RANBP2: variants seen among roughly 807,000 people sequenced by gnomAD.
RANBP2 encodes the protein E3 SUMO-protein ligase RanBP2.
Under a neutral mutation model 303.6 loss-of-function variants are expected in RANBP2, and 57 were observed. The ratio of observed to expected loss-of-function variants is 0.19; its 90% confidence interval spans 0.15 to 0.23. RANBP2 has a LOEUF of 0.23. Ranked by LOEUF, RANBP2 falls within the 10% of genes least tolerant of loss-of-function variation. RANBP2 has a pLI of 1.00. For synonymous variants in RANBP2, 1,167 were observed against 1,301.5 expected, an observed-to-expected ratio of 0.90 and a Z score of 2.23; for missense variants, 3,138 against 3,780.8, an observed-to-expected ratio of 0.83 and a Z score of 4.46.
At chr2:109,653,224 G>A in the RANBP2 span, among the ~76,000 whole-genome samples, 5 of 151,952 alleles carry the variant, frequency 3.3e-5, no homozygotes, top group South Asian at 2.1e-4. Flanking sequence ...GTGAAACCCC[G>A]TCTCTACTAA....
the RANBP2 span, among the ~76,000 whole-genome samples, chr2:109,249,708 T>C: frequency 0.018 from 2,721 of 151,154 alleles, 92 homozygotes; most frequent in African/African-American, 0.063. Flanking sequence ...AGTACAGTGG[T>C]GCGATCTCAG....
chr2:109,645,973 C>T, the RANBP2 span, among the ~76,000 whole-genome samples: 1 of 152,186 alleles, frequency 6.6e-6, no homozygotes, highest in Non-Finnish European at 1.5e-5. Flanking sequence ...GAAAACTTCA[C>T]AGACACCAGG....
chr2:109,117,725 G>A, the RANBP2 span, among the ~76,000 whole-genome samples: 17 of 152,362 alleles, frequency 1.1e-4, no homozygotes, highest in Non-Finnish European at 2.1e-4. Flanking sequence ...CGTCTTCTGC[G>A]TCGCTCACGT....
chr2:109,117,963 G>A, the RANBP2 span, among the ~76,000 whole-genome samples: 1 of 152,164 alleles, frequency 6.6e-6, no homozygotes, highest in African/African-American at 2.4e-5. Flanking sequence ...CCTGCCCTCT[G>A]AGGCAAGATT....
the RANBP2 span, among the ~76,000 whole-genome samples, chr2:109,108,000 G>A: frequency 1.1e-4 from 17 of 152,330 alleles, no homozygotes; most frequent in South Asian, 3.3e-3. Context: ...CCGCCTCACG[G>A]GTTCATGCCA....
chr2:109,658,254 T>C, the RANBP2 span, among the ~76,000 whole-genome samples: 1 of 151,138 alleles, frequency 6.6e-6, no homozygotes, highest in Admixed American at 6.6e-5. Context: ...GAGACCAGCC[T>C]GGCCAAGATG....
intron 4 of RANBP2, among the ~76,000 whole-genome samples, chr2:108,734,942 A>G (rs545632425): frequency 2.0e-5 from 3 of 152,302 alleles, no homozygotes; most frequent in Admixed American, 6.5e-5. Flanking sequence ...CTGTGGTCCT[A>G]GCTTCTTGAG....
the RANBP2 span, among the ~76,000 whole-genome samples, chr2:109,511,989 T>C: frequency 6.6e-6 from 1 of 152,190 alleles, no homozygotes; most frequent in Admixed American, 6.5e-5. Context: ...CCCAGAGGAC[T>C]CTGGGACTCC....
the RANBP2 span, among the ~76,000 whole-genome samples, chr2:108,845,451 T>C: frequency 1.3e-5 from 2 of 152,146 alleles, no homozygotes; most frequent in Admixed American, 6.6e-5. Context: ...GAAACTGCTA[T>C]AAAAACTCAG....
chr2:109,551,237 T>C, the RANBP2 span, among the ~76,000 whole-genome samples: 1 of 152,206 alleles, frequency 6.6e-6, no homozygotes, highest in African/African-American at 2.4e-5. Context: ...TATAGAAATA[T>C]GGATTTATAC....
chr2:108,772,521 A>G lies in RANBP2; in HGVS notation c.8053A>G (p.Asn2685Asp), dbSNP rs1296518750. ...EDFETAVKKLNGKLYLDGSEK... is the reference protein window; with the variant it reads ...EDFETAVKKLDGKLYLDGSEK... ...TTTCGAAACAGCTGTCAAGAAACTT[A>G]ATGGAAAACTATATTTGGATGGCTC... Residue 2685 changes from asparagine (N) to aspartate (D), a missense_variant, in exon 22 of 29, where the codon AAT becomes GAT. Physicochemically the swap from Asn to Asp is conservative, Grantham distance 23. Around this residue, in one of 20 missense-constraint regions of RANBP2, gnomAD observed 497 missense variants for 465.8 expected, o/e 1.07. Transcript: ENST00000283195. 2 of 1,613,678 alleles carry G rather than the reference A, an allele frequency of 1.2e-6. No individual in the cohort carries two copies. The highest frequency in any genetic ancestry group is 1.3e-5 in the African/African-American group (1 of 74,920).
At chr2:108,906,390 T>C in the RANBP2 span, 2 of 1,613,966 alleles carry the variant, frequency 1.2e-6, no homozygotes, top group Non-Finnish European at 1.7e-6. Flanking sequence ...AGTCGAGAAT[T>C]TTCATCTCCA....
the RANBP2 span, among the ~76,000 whole-genome samples, chr2:109,680,096 A>T: frequency 3.3e-5 from 5 of 152,098 alleles, no homozygotes; most frequent in African/African-American, 1.2e-4. Flanking sequence ...CTGTAATCCC[A>T]GCACTTTGGG....
the RANBP2 span, among the ~76,000 whole-genome samples, chr2:109,736,044 G>A: frequency 3.3e-5 from 5 of 152,336 alleles, no homozygotes; most frequent in East Asian, 9.6e-4. Context: ...AATTTCACGT[G>A]TGGAAACCAT....
chr2:109,520,436 C>T, the RANBP2 span, among the ~76,000 whole-genome samples: 1 of 151,190 alleles, frequency 6.6e-6, no homozygotes, highest in African/African-American at 2.4e-5. Flanking sequence ...CCTGTCTCTA[C>T]TAAAAATACA....
chr2:109,614,359 G>C, the RANBP2 span: 1 of 774,006 alleles, frequency 1.3e-6, no homozygotes, highest in South Asian at 6.6e-5. Flanking sequence ...GAGTCCTCTG[G>C]CCTCAGACGC....
At chr2:109,340,345 G>A in the RANBP2 span, among the ~76,000 whole-genome samples, 2 of 152,230 alleles carry the variant, frequency 1.3e-5, no homozygotes, top group Admixed American at 6.5e-5. Flanking sequence ...CACACAGGAG[G>A]TGCTCAGGAC....
chr2:108,740,696 T>G lies in RANBP2; in HGVS notation c.975+15T>G, dbSNP rs374531924. On this transcript the variant is annotated intron_variant, in intron 7 of 28. Coordinates refer to ENST00000283195, the MANE Select transcript of RANBP2 (RefSeq NM_006267.5). ...TAGCATTTCAGGTAAGTCTTCCACT[T>G]GTAGGAGCAATTGACATTTCACTGA... 1 of 1,597,382 alleles carries G rather than the reference T, an allele frequency of 6.3e-7. No homozygotes were observed.
the RANBP2 span, among the ~76,000 whole-genome samples, chr2:109,061,397 GA>G: frequency 2.6e-5 from 4 of 152,110 alleles, no homozygotes; most frequent in Admixed American, 2.0e-4. Flanking sequence ...TGTCATTGCT[GA>G]TTTTCCTTCC....
Sources: gnomAD v4.1 joint callset for allele counts (sites outside exome capture counted in the v4.1 genomes callset) on GRCh38, gnomAD v4.1.1 for gene constraint, gnomAD v4.1.1 regional missense constraint, MANE v1.5 for transcripts, NCBI Gene and HGNC (gene_info 2026-07-23, HGNC 2026-07-21) for gene names.